CNOT4: variants seen among roughly 807,000 people sequenced by gnomAD.
The protein encoded by CNOT4 is CCR4-NOT transcription complex subunit 4.
In CNOT4, 8 loss-of-function variants were observed where a neutral mutation model predicts 73.8. The observed-to-expected ratio is 0.11, with a 90% confidence interval of 0.06 to 0.20. The LOEUF (loss-of-function observed/expected upper bound fraction) is 0.20, where lower values mean the gene tolerates loss of function less well. Ranked by LOEUF, CNOT4 falls within the 10% of genes least tolerant of loss-of-function variation. CNOT4 has a pLI of 1.00. For missense variants in CNOT4, 564 were observed against 883.4 expected (o/e 0.64, Z 4.58); for synonymous variants, 293 against 321.1 (o/e 0.91, Z 0.94).
intron 1 of CNOT4, among the ~76,000 whole-genome samples, chr7:135,478,976 A>T (rs892073208): frequency 3.9e-5 from 6 of 152,284 alleles, no homozygotes; most frequent in Admixed American, 3.3e-4. Context: ...ATATCTATTT[A>T]AAAAAATTTT....
chr7:135,470,137 G>GC (rs889543228), intron 1 of CNOT4, among the ~76,000 whole-genome samples: 5 of 146,676 alleles, frequency 3.4e-5, no homozygotes, highest in African/African-American at 1.2e-4. Context: ...GTGTTTTTTT[G>GC]GGGGGGGAGG....
Position 135,363,168 on chromosome 7 carries a change from C to G in CNOT4, c.1859G>C (p.Gly620Ala), listed in dbSNP as rs758857647. 10 of 1,613,330 alleles carry G rather than the reference C, an allele frequency of 6.2e-6. No homozygotes were observed. The South Asian group carries it at 9.9e-5, about 16-fold the overall frequency. ...AIITGIPASSGNSLDSLQDDN... is the reference protein window; with the variant it reads ...AIITGIPASSANSLDSLQDDN... ...ATCTTGAAGAGAGTCTAAACTGTTT[C>G]CTGAAGACGCTGGAATACCTAAGGA... is the stretch of plus-strand genomic sequence containing the variant. Residue 620 changes from glycine (G) to alanine (A), a missense_variant, in exon 12 of 12, where the codon GGA (glycine) becomes GCA (alanine). Around this residue, in one of 10 missense-constraint regions of CNOT4, gnomAD observed 53 missense variants for 75.4 expected, o/e 0.70. Coordinates refer to ENST00000541284, the MANE Select transcript of CNOT4 (RefSeq NM_001190850.2). The surrounding 1 kb of genome is among the most constrained non-coding windows in gnomAD (Gnocchi z 4.3).
intron 1 of CNOT4, among the ~76,000 whole-genome samples, chr7:135,490,564 G>A (rs1038478608): frequency 5.9e-5 from 9 of 152,078 alleles, no homozygotes; most frequent in African/African-American, 1.7e-4. Flanking sequence ...ATGTCTTTTC[G>A]TGCATATGGT....
chr7:135,405,840 G>A (rs887285370), intron 7 of CNOT4, among the ~76,000 whole-genome samples: 4 of 152,110 alleles, frequency 2.6e-5, no homozygotes, highest in African/African-American at 9.7e-5. Flanking sequence ...TTGAAAATAA[G>A]AGAAAATCAC....
chr7:135,396,812 C>T (rs1796721257), intron 8 of CNOT4, among the ~76,000 whole-genome samples: 1 of 152,102 alleles, frequency 6.6e-6, no homozygotes, highest in Non-Finnish European at 1.5e-5. Context: ...GACTAGATTG[C>T]TGCTGAAACT....
intron 1 of CNOT4, chr7:135,444,679 T>G (rs1045059397): frequency 3.4e-6 from 4 of 1,185,108 alleles, no homozygotes; most frequent in Non-Finnish European, 5.1e-6. Context: ...AGTGTTTTGC[T>G]CCTGGGTCTG....
At chr7:135,387,783 G>T in intron 10 of CNOT4, 1 of 979,378 alleles carries the variant, frequency 1.0e-6, no homozygotes, top group Non-Finnish European at 1.2e-6. Flanking sequence ...TTCACATTAT[G>T]TCCTAATAAA....
rs533234151 is a variant in CNOT4 at position 135,444,727 on chromosome 7, G to A, written c.-92-6304C>T. 6.7e-5 allele frequency: 90 copies of A among 1,337,946 alleles called. No individual in the cohort carries two copies. In the African/African-American group the frequency reaches 1.2e-3, roughly 18 times the overall value. The allele number at this position is 1,337,946 out of a possible 1,614,324, so 82.9% of individuals were successfully genotyped here. A position where few individuals can be genotyped will look rare whatever the true frequency, so the allele number is the denominator to read the frequency against. Reference sequence around the variant, plus strand: ...TGTTTGAATCCTTGCTCTGCGATGGGCTATTCCCTGGCTGCGACCCTCACT... The same window carrying A: ...TGTTTGAATCCTTGCTCTGCGATGGACTATTCCCTGGCTGCGACCCTCACT... On this transcript the variant is annotated intron_variant, in intron 1 of 11. Coordinates refer to ENST00000541284, the MANE Select transcript of CNOT4 (RefSeq NM_001190850.2).
intron 2 of CNOT4, among the ~76,000 whole-genome samples, chr7:135,426,288 A>C (rs987835520): frequency 1.3e-5 from 2 of 152,188 alleles, no homozygotes; most frequent in East Asian, 1.9e-4. Flanking sequence ...TAATATTACT[A>C]GCACTAAAAA....
Position 135,387,879 on chromosome 7 carries a change from C to T in CNOT4, c.1627+6039G>A. ...GGACATCCAATCTCTTCTCTTCTGC[C>T]TTAGTCTCATTCTGGTCAGGTACTT... On this transcript the variant is annotated intron_variant, in intron 10 of 11. Coordinates refer to ENST00000541284, the MANE Select transcript of CNOT4 (RefSeq NM_001190850.2). The T allele has an allele frequency of 4.1e-6, 4 of 968,236 alleles. No homozygotes were observed. In the South Asian group the frequency reaches 1.4e-4, roughly 35 times the overall value. 60.0% of individuals were successfully genotyped at this position (968,236 alleles called of 1,614,324 possible).
chr7:135,472,088 G>A (rs1027734296), intron 1 of CNOT4, among the ~76,000 whole-genome samples: 3 of 152,060 alleles, frequency 2.0e-5, no homozygotes, highest in Non-Finnish European at 4.4e-5. Flanking sequence ...CAGGAGTAGC[G>A]CTTGAGCCTG....
At chr7:135,441,366 A>C (rs1395829611) in intron 1 of CNOT4, among the ~76,000 whole-genome samples, 1 of 151,940 alleles carries the variant, frequency 6.6e-6, no homozygotes, top group East Asian at 1.9e-4. Context: ...ACAACGAAAT[A>C]GTGTCTTCTT....
chr7:135,393,162 A>G (rs139767039), intron 10 of CNOT4, among the ~76,000 whole-genome samples: 71 of 152,312 alleles, frequency 4.7e-4, no homozygotes, highest in African/African-American at 1.3e-3. Flanking sequence ...TATAGAAGAT[A>G]CTTCATCTAA....
intron 1 of CNOT4, among the ~76,000 whole-genome samples, chr7:135,465,778 T>C (rs1458395466): frequency 6.6e-6 from 1 of 152,018 alleles, no homozygotes; most frequent in Non-Finnish European, 1.5e-5. Context: ...CCAGGTGTGG[T>C]GGCTCATGCC....
chr7:135,466,492 A>G lies in CNOT4; in HGVS notation c.-92-28069T>C, dbSNP rs1335003068. 2.6e-5 allele frequency among the ~76,000 whole-genome samples: 4 copies of G among 151,688 alleles called. 1 individual carries two copies. Among genetic ancestry groups the G allele is most frequent in the Non-Finnish European group, 5.9e-5 (4 of 67,930 alleles). On this transcript the variant is annotated intron_variant, in intron 1 of 11. Coordinates refer to ENST00000541284, the MANE Select transcript of CNOT4 (RefSeq NM_001190850.2). ...GACTGTCTCAAAAAAAAAAAAAAAA[A>G]GTTTATAATATAAAAATGTTAAAGC...
chr7:135,498,534 C>G (rs762825225), intron 1 of CNOT4, among the ~76,000 whole-genome samples: 1 of 152,062 alleles, frequency 6.6e-6, no homozygotes. Flanking sequence ...TGAATACAAT[C>G]TTTAAGGTTT....
intron 8 of CNOT4, 64 bp downstream of exon 8, chr7:135,398,105 G>T: frequency 1.2e-6 from 1 of 869,194 alleles, no homozygotes; most frequent in Non-Finnish European, 1.9e-6. Flanking sequence ...AAATTCACCT[G>T]CATGGAATAC....
chr7:135,435,573 G>A (rs1799106242), intron 2 of CNOT4, among the ~76,000 whole-genome samples: 1 of 152,112 alleles, frequency 6.6e-6, no homozygotes, highest in Non-Finnish European at 1.5e-5. Context: ...CTTTCCGAAA[G>A]GTACCAATGA....
Position 135,394,957 on chromosome 7 carries a change from A to G in CNOT4, c.1130-542T>C, listed in dbSNP as rs191283154. Among the ~76,000 whole-genome samples the G allele has an allele frequency of 3.6e-4, 55 of 152,298 alleles. No homozygotes were observed. The Middle Eastern group carries it at 0.014, about 38-fold the overall frequency. ...ATAGTAATGAGAGAATTTAGAATGG[A>G]TAAAAATGGAAATGGCTCAAAAATA... On this transcript the variant is annotated intron_variant, in intron 9 of 11. Transcript: ENST00000541284.
Sources: allele counts gnomAD v4.1 joint callset (sites outside exome capture counted in the v4.1 genomes callset), GRCh38; gene constraint gnomAD v4.1.1; regional missense constraint gnomAD v4.1.1; non-coding constraint Gnocchi (gnomAD v3.1); transcripts MANE v1.5; gene names NCBI Gene and HGNC (gene_info 2026-07-23, HGNC 2026-07-21).